The following TENM4 variants were observed in gnomAD, a reference collection of about 807,000 sequenced individuals.
TENM4 encodes teneurin-4.
A neutral mutation model predicts 243.3 loss-of-function variants in TENM4; 82 were observed. That is an observed-to-expected ratio of 0.34 (90% CI 0.28 to 0.40). The LOEUF is 0.40. TENM4 is among the 10% of genes least tolerant of loss of function. TENM4 has a pLI of 1.00. For synonymous variants in TENM4, 1,412 were observed against 1,456.3 expected (o/e 0.97, Z 0.69); for missense variants, 3,138 against 3,673.3 (o/e 0.85, Z 3.77).
chr11:79,411,200 C>T (rs1858692847), intron 1 of TENM4, among the ~76,000 whole-genome samples: 1 of 152,154 alleles, frequency 6.6e-6, no homozygotes, highest in African/African-American at 2.4e-5. Flanking sequence ...CTTCCCCAGG[C>T]CATGGTATTT....
intron 6 of TENM4, among the ~76,000 whole-genome samples, chr11:78,964,197 C>T (rs1857394068): frequency 6.6e-6 from 1 of 151,666 alleles, no homozygotes; most frequent in African/African-American, 2.4e-5. Flanking sequence ...TGTGCACTAC[C>T]ACACCCAGCT....
intron 29 of TENM4, among the ~76,000 whole-genome samples, chr11:78,687,185 C>T (rs78071640): frequency 0.049 from 7,384 of 152,184 alleles, 298 homozygotes; most frequent in African/African-American, 0.12. Flanking sequence ...GGCCCCAAAT[C>T]GCCCACCCAG....
chr11:79,244,809 T>C (rs1855484588), intron 2 of TENM4, among the ~76,000 whole-genome samples: 1 of 152,114 alleles, frequency 6.6e-6, no homozygotes, highest in Non-Finnish European at 1.5e-5. Context: ...GGGAAAAGAC[T>C]CAGGGCAAGG....
At chr11:78,958,969 C>A (rs2136522493) in intron 6 of TENM4, among the ~76,000 whole-genome samples, 1 of 152,334 alleles carries the variant, frequency 6.6e-6, no homozygotes, top group Non-Finnish European at 1.5e-5. Context: ...AATACCACAA[C>A]AACCTTGGAA....
At chr11:78,923,693 C>CT (rs1172776088) in intron 6 of TENM4, among the ~76,000 whole-genome samples, 4,167 of 53,576 alleles carry the variant, frequency 0.078, 489 homozygotes, top group Middle Eastern at 0.18. Context: ...ATGCACCTGG[C>CT]TTTTTTTTTT....
intron 2 of TENM4, among the ~76,000 whole-genome samples, chr11:79,249,066 T>C (rs936196325): frequency 1.4e-4 from 21 of 152,258 alleles, no homozygotes; most frequent in Admixed American, 3.3e-4. Context: ...TTTAGCATCA[T>C]TGACACAACC....
rs1856325218 is a variant in TENM4, at chr11:78,756,973, C to A, written c.2588G>T (p.Cys863Phe). The A allele has an allele frequency of 2.5e-6, 4 of 1,613,990 alleles. No homozygotes were observed. The highest frequency in any genetic ancestry group is 3.4e-6 in the Non-Finnish European group (4 of 1,179,902). The change falls in exon 19 of 34, where the codon TGC becomes TTC. Residue 863 changes from cysteine to phenylalanine, a missense_variant. Coordinates refer to ENST00000278550, the MANE Select transcript of TENM4 (RefSeq NM_001098816.3). ...MDPDCCLQPLCHINPLCLGSP... is the reference protein window; with the variant it reads ...MDPDCCLQPLFHINPLCLGSP... ...GCCAAGGCACAGCGGGTTGATATGG[C>A]ACAGGGGCTGGAGGCAGCAGTCAGG...
chr11:79,391,469 T>C (rs1400949097), intron 1 of TENM4, among the ~76,000 whole-genome samples: 3 of 152,326 alleles, frequency 2.0e-5, no homozygotes, highest in African/African-American at 7.2e-5. Context: ...AATTGATTTA[T>C]GCAGTCTCAT....
chr11:79,084,957 C>G (rs915474111), intron 4 of TENM4, among the ~76,000 whole-genome samples: 1 of 152,124 alleles, frequency 6.6e-6, no homozygotes, highest in African/African-American at 2.4e-5. Flanking sequence ...TGTTCTTTTG[C>G]TATAGTTTTG....
At chr11:78,891,383 T>C (rs1410119608) in intron 7 of TENM4, 47 bp from the exon 8 acceptor site, 3 of 1,495,062 alleles carry the variant, frequency 2.0e-6, no homozygotes, top group East Asian at 2.5e-5. Context: ...CATGCATTGA[T>C]GAAGGGGGCT....
chr11:78,902,889 G>C (rs1031698131), intron 7 of TENM4, among the ~76,000 whole-genome samples: 3 of 151,926 alleles, frequency 2.0e-5, no homozygotes, highest in Admixed American at 6.6e-5. Flanking sequence ...ACCAGACTGA[G>C]AGCCTGCTGT....
chr11:79,264,015 C>G (rs1158529635), intron 2 of TENM4, among the ~76,000 whole-genome samples: 1 of 152,204 alleles, frequency 6.6e-6, no homozygotes, highest in Non-Finnish European at 1.5e-5. Context: ...CCACTTTGAT[C>G]TAGAGTCAAC....
chr11:79,268,592 C>T (rs528520246), intron 2 of TENM4, among the ~76,000 whole-genome samples: 13 of 152,222 alleles, frequency 8.5e-5, no homozygotes, highest in African/African-American at 2.9e-4. Flanking sequence ...GTACTTGTAA[C>T]CCCAAACCCA....
At chr11:78,827,498 T>C (rs1218947766) in intron 12 of TENM4, among the ~76,000 whole-genome samples, 1 of 151,652 alleles carries the variant, frequency 6.6e-6, no homozygotes, top group African/African-American at 2.4e-5. Flanking sequence ...TATTTATTTA[T>C]TTATTTATTT....
chr11:78,997,315 AG>A (rs2136687381), intron 6 of TENM4, among the ~76,000 whole-genome samples: 1 of 152,352 alleles, frequency 6.6e-6, no homozygotes, highest in South Asian at 2.1e-4. Flanking sequence ...AAATCCCATC[AG>A]TCTCCAAAGT....
At chr11:78,786,568 A>G (rs1264556793) in intron 16 of TENM4, among the ~76,000 whole-genome samples, 1 of 152,252 alleles carries the variant, frequency 6.6e-6, no homozygotes, top group East Asian at 1.9e-4. Flanking sequence ...AGCTGCTAAG[A>G]AGTGCTCATC....
At chr11:78,802,509 C>T (rs1383950334) in intron 15 of TENM4, among the ~76,000 whole-genome samples, 4 of 152,234 alleles carry the variant, frequency 2.6e-5, no homozygotes, top group African/African-American at 9.6e-5. Flanking sequence ...AAACCAGCTT[C>T]CAGAGGTGAA....
At position 78,837,527 on chromosome 11, in the gene TENM4, T is replaced by C. The variant is rs1858144216; in HGVS notation, c.1681+16577A>G. ...ATCAGGCTCAGCTTGGTAGATCCAC[T>C]GGACTCCAGTGATCAACCTGATGAA... On this transcript the variant is annotated intron_variant, in intron 12 of 33. Transcript: ENST00000278550. Among the ~76,000 whole-genome samples the C allele has an allele frequency of 2.0e-5, 3 of 152,346 alleles. 1 individual carries two copies. The highest frequency in any genetic ancestry group is 4.1e-4 in the South Asian group (2 of 4,824).
intron 1 of TENM4, among the ~76,000 whole-genome samples, chr11:79,414,085 A>T (rs1251356591): frequency 6.6e-6 from 1 of 152,036 alleles, no homozygotes; most frequent in East Asian, 1.9e-4. Context: ...TTTGCTCTCA[A>T]AGGGAGACAG....
Sources: allele counts gnomAD v4.1 joint callset (sites outside exome capture counted in the v4.1 genomes callset), GRCh38; gene constraint gnomAD v4.1.1; transcripts MANE v1.5; gene names NCBI Gene and HGNC (gene_info 2026-07-23, HGNC 2026-07-21).